The following DNAJC24 variants were observed in gnomAD, a reference collection of about 807,000 sequenced individuals.
DNAJC24 encodes DnaJ heat shock protein family (Hsp40) member C24, also known as dnaJ homolog subfamily C member 24.
In DNAJC24, 17 loss-of-function variants were observed where a neutral mutation model predicts 18.0. The observed-to-expected ratio is 0.94, with a 90% CI of 0.65 to 1.42. The LOEUF is 1.42. Ranked by LOEUF, DNAJC24 falls within the 40% of genes most tolerant of loss-of-function variation. The pLI is 0.00. For synonymous variants in DNAJC24, 55 were observed against 57.7 expected (o/e 0.95, Z 0.21); for missense variants, 158 against 175.6 (o/e 0.90, Z 0.57).
At chr11:31,370,507 G>A (rs1272603324) in intron 1 of DNAJC24, among the ~76,000 whole-genome samples, 2 of 151,630 alleles carry the variant, frequency 1.3e-5, no homozygotes, top group East Asian at 1.9e-4. Flanking sequence ...AATATATATC[G>A]TGAAATACCT....
intron 4 of DNAJC24, among the ~76,000 whole-genome samples, chr11:31,429,151 G>T (rs1049524881): frequency 2.0e-5 from 3 of 151,766 alleles, no homozygotes; most frequent in African/African-American, 7.3e-5. Flanking sequence ...TTATTTTTCT[G>T]TATGGAGAGC....
chr11:31,400,855 A>C (rs921276467), intron 2 of DNAJC24, among the ~76,000 whole-genome samples: 1 of 152,238 alleles, frequency 6.6e-6, no homozygotes, highest in Non-Finnish European at 1.5e-5. Context: ...AAGCAAGTGC[A>C]ACACAAGCCA....
rs148866821 is a variant in DNAJC24 at position 31,415,031 on chromosome 11, C to G, written c.250+82C>G. The G allele has an allele frequency of 1.4e-4, 210 of 1,459,864 alleles. No individual in the cohort carries two copies. The Middle Eastern group carries it at 2.0e-3, about 14-fold the overall frequency. The allele number at this position is 1,459,864 out of a possible 1,614,324, so 90.4% of individuals were successfully genotyped here. Reference sequence around the variant, plus strand: ...GCAGCCATTCCTGGGGAGCATTTTCCAGCATTTGCACCAAGTGTTATTGTT... The same window carrying G: ...GCAGCCATTCCTGGGGAGCATTTTCGAGCATTTGCACCAAGTGTTATTGTT... On this transcript the variant is annotated intron_variant, in intron 3 of 4. Coordinates refer to ENST00000465995, the MANE Select transcript of DNAJC24 (RefSeq NM_181706.5).
At chr11:31,380,448 G>A (rs950304800) in intron 2 of DNAJC24, among the ~76,000 whole-genome samples, 1 of 152,074 alleles carries the variant, frequency 6.6e-6, no homozygotes, top group Non-Finnish European at 1.5e-5. Context: ...TTATGATTTG[G>A]CGTATGTTAT....
rs184266421 is a variant in DNAJC24 at position 31,390,290 on chromosome 11, G to A, written c.111+19431G>A. ...ATGCACCTGTAATCTCAGCTAGTAGGGGGGCTGAGGCAGGAGAATTGCTTG... is the reference window on the plus strand; with the variant it reads ...ATGCACCTGTAATCTCAGCTAGTAGAGGGGCTGAGGCAGGAGAATTGCTTG... On this transcript the variant is annotated intron_variant, in intron 2 of 4. Coordinates refer to ENST00000465995, the MANE Select transcript of DNAJC24 (RefSeq NM_181706.5). Among the ~76,000 whole-genome samples, 3 of 151,854 alleles carry A rather than the reference G, an allele frequency of 2.0e-5. No individual in the cohort carries two copies. In the East Asian group the frequency reaches 5.8e-4, roughly 29 times the overall value.
chr11:31,426,962 C>T (rs955317227), intron 4 of DNAJC24: 2 of 152,000 alleles, frequency 1.3e-5, no homozygotes, highest in Non-Finnish European at 2.9e-5. Flanking sequence ...TTTCCCTATT[C>T]TTCTGATGGT....
At chr11:31,416,929 CT>C (rs1294138702) in intron 3 of DNAJC24, 3 of 152,090 alleles carry the variant, frequency 2.0e-5, no homozygotes, top group Non-Finnish European at 4.4e-5. Context: ...ATGGAAGCAC[CT>C]GTGGCCTACT....
At chr11:31,426,453 T>A in intron 4 of DNAJC24, 98 bp downstream of exon 4, 4 of 680,512 alleles carry the variant, frequency 5.9e-6, no homozygotes, top group Non-Finnish European at 9.6e-6. Context: ...TAAAAAGAAA[T>A]AATAGTGTGG....
At chr11:31,373,614 A>G (rs1038457290) in intron 2 of DNAJC24, among the ~76,000 whole-genome samples, 1 of 135,246 alleles carries the variant, frequency 7.4e-6, no homozygotes, top group African/African-American at 2.5e-5. Context: ...TTTTAGAATC[A>G]GCTTGTAAAT....
chr11:31,371,465 C>G (rs1952251220), intron 2 of DNAJC24, among the ~76,000 whole-genome samples: 1 of 152,084 alleles, frequency 6.6e-6, no homozygotes. Flanking sequence ...CTACTGGCTC[C>G]TTTTTTAAAG....
intron 2 of DNAJC24, among the ~76,000 whole-genome samples, chr11:31,374,963 G>A (rs1952298782): frequency 7.5e-6 from 1 of 133,680 alleles, no homozygotes; most frequent in African/African-American, 2.5e-5. Context: ...ACACATTTAT[G>A]CCTTTTTTTA....
chr11:31,403,463 G>A (rs1472477400), intron 2 of DNAJC24, among the ~76,000 whole-genome samples: 1 of 152,126 alleles, frequency 6.6e-6, no homozygotes, highest in Non-Finnish European at 1.5e-5. Context: ...GCCTAGAAAG[G>A]CAGGACATCT....
In DNAJC24 at chr11:31,380,474, A is replaced by T. The variant is rs1952365802; in HGVS notation, c.111+9615A>T. Among the ~76,000 whole-genome samples the T allele has an allele frequency of 2.0e-5, 3 of 152,230 alleles. No individual in the cohort carries two copies. The South Asian group carries it at 6.2e-4, about 31-fold the overall frequency. ...CGTATGTTATTTTCAGTTACGCCAA[A>T]ATACAAAGACAGGAAAACATTTTTG... On this transcript the variant is annotated intron_variant, in intron 2 of 4. Coordinates refer to ENST00000465995, the MANE Select transcript of DNAJC24 (RefSeq NM_181706.5).
intron 2 of DNAJC24, among the ~76,000 whole-genome samples, chr11:31,371,949 A>G (rs1227389127): frequency 6.7e-6 from 1 of 148,658 alleles, no homozygotes; most frequent in East Asian, 2.0e-4. Context: ...TCAGCCTCCC[A>G]AGTAGCTGGG....
intron 2 of DNAJC24, among the ~76,000 whole-genome samples, chr11:31,373,729 A>G (rs1289295327): frequency 6.7e-5 from 9 of 134,810 alleles, no homozygotes; most frequent in African/African-American, 2.2e-4. Context: ...GAATCTATGA[A>G]CATGTATCCT....
chr11:31,401,036 AAAAC>A (rs1287420630), intron 2 of DNAJC24, among the ~76,000 whole-genome samples: 21 of 152,368 alleles, frequency 1.4e-4, no homozygotes, highest in African/African-American at 5.0e-4. Context: ...TTACAAGAAA[AAAAC>A]AAACAGCCCC....
intron 2 of DNAJC24, among the ~76,000 whole-genome samples, chr11:31,403,296 C>T (rs1031509360): frequency 6.6e-6 from 1 of 152,058 alleles, no homozygotes; most frequent in African/African-American, 2.4e-5. Context: ...AAGTGAGACA[C>T]TTTTTTCAGG....
chr11:31,394,891 A>G (rs938809492), intron 2 of DNAJC24, among the ~76,000 whole-genome samples: 1 of 152,248 alleles, frequency 6.6e-6, no homozygotes, highest in East Asian at 1.9e-4. Context: ...ACAAACAAAA[A>G]GCTGTTTTGT....
chr11:31,429,135 ATT>A (rs1952893277), intron 4 of DNAJC24, among the ~76,000 whole-genome samples: 1 of 152,058 alleles, frequency 6.6e-6, no homozygotes, highest in Admixed American at 6.6e-5. Flanking sequence ...GGAATTCAAG[ATT>A]AAATTATTTT....
Sources: gnomAD v4.1 joint callset for allele counts (sites outside exome capture counted in the v4.1 genomes callset) on GRCh38, gnomAD v4.1.1 for gene constraint, MANE v1.5 for transcripts, NCBI Gene and HGNC (gene_info 2026-07-23, HGNC 2026-07-21) for gene names.